KLHL1: variants seen among roughly 807,000 people sequenced by gnomAD.
The protein encoded by KLHL1 is kelch-like protein 1.
Under a neutral mutation model 77.7 loss-of-function variants are expected in KLHL1, and 47 were observed. The observed-to-expected ratio is 0.60, with a 90% CI of 0.48 to 0.77. KLHL1 has a LOEUF of 0.77. KLHL1 is among the 30% of genes least tolerant of loss of function. The pLI is 0.00. For synonymous variants in KLHL1, 360 were observed against 325.2 expected (o/e 1.11, Z -1.15); for missense variants, 925 against 910.8 (o/e 1.02, Z -0.20).
intron 1 of KLHL1, among the ~76,000 whole-genome samples, chr13:69,986,087 C>G (rs192091300): frequency 1.3e-5 from 2 of 151,298 alleles, no homozygotes; most frequent in Non-Finnish European, 2.9e-5. Context: ...ACTGAAGGAC[C>G]AATATTACTA....
chr13:70,086,309 A>G (rs9572360), intron 1 of KLHL1, among the ~76,000 whole-genome samples: 40,098 of 151,276 alleles, frequency 0.27, 5,562 homozygotes, highest in Admixed American at 0.31. Flanking sequence ...CTGGCTGGGC[A>G]TGGAGGCTCA....
chr13:69,902,612 T>C (rs1273437458), intron 4 of KLHL1, among the ~76,000 whole-genome samples: 1 of 152,118 alleles, frequency 6.6e-6, no homozygotes, highest in South Asian at 2.1e-4. Flanking sequence ...TGTAGGGACA[T>C]GGATGAAGCT....
At chr13:69,969,772 G>GA in intron 2 of KLHL1, among the ~76,000 whole-genome samples, 1 of 151,820 alleles carries the variant, frequency 6.6e-6, no homozygotes, top group African/African-American at 2.4e-5. Context: ...TTAGAAGAGG[G>GA]ATTTAATGCA....
chr13:69,934,962 G>GTGTATATATATATATATATA lies in KLHL1; in HGVS notation c.1014+5077_1014+5078insTATATATATATATATATACA, dbSNP rs372646811. Among the ~76,000 whole-genome samples the GTGTATATATATATATATATA allele has an allele frequency of 5.4e-5, 7 of 129,818 alleles. No individual in the cohort carries two copies. The East Asian group carries it at 8.0e-4, about 15-fold the overall frequency. 85.2% of individuals were successfully genotyped at this position (129,818 alleles called of 152,430 possible). On this transcript the variant is annotated intron_variant, in intron 4 of 10. Transcript: ENST00000377844. Reference sequence around the variant, plus strand: ...AAATTTACCGTGTGTGTGTGCATGTGTATATATATATATATATATATATAT... The same window carrying GTGTATATATATATATATATA: ...AAATTTACCGTGTGTGTGTGCATGTGTGTATATATATATATATATATATATATATATATATATATATATAT...
At chr13:69,920,461 T>C (rs573741104) in intron 4 of KLHL1, among the ~76,000 whole-genome samples, 35 of 152,204 alleles carry the variant, frequency 2.3e-4, no homozygotes, top group African/African-American at 8.4e-4. Context: ...CATGAAGAAT[T>C]TGGCAAAGTT....
chr13:69,763,498 T>C (rs1875120760), intron 7 of KLHL1, among the ~76,000 whole-genome samples: 1 of 152,218 alleles, frequency 6.6e-6, no homozygotes, highest in Admixed American at 6.5e-5. Context: ...TGTATGCATA[T>C]GTAGAATATC....
chr13:69,866,024 T>C (rs1013565798), intron 5 of KLHL1, among the ~76,000 whole-genome samples: 3 of 152,170 alleles, frequency 2.0e-5, no homozygotes, highest in East Asian at 3.9e-4. Flanking sequence ...TTATAATAGA[T>C]GAATAGTATA....
At chr13:70,030,145 G>A (rs9599536) in intron 1 of KLHL1, among the ~76,000 whole-genome samples, 1,857 of 152,080 alleles carry the variant, frequency 0.012, 16 homozygotes, top group Non-Finnish European at 0.02. Context: ...AATAATAATG[G>A]GAGACTTTAA....
chr13:69,897,149 T>C (rs1344279659), intron 4 of KLHL1, among the ~76,000 whole-genome samples: 2 of 152,182 alleles, frequency 1.3e-5, no homozygotes, highest in Non-Finnish European at 2.9e-5. Flanking sequence ...TTAAGAAACA[T>C]TATTTACAGA....
chr13:69,752,250 G>A (rs906277163), intron 7 of KLHL1, among the ~76,000 whole-genome samples: 2 of 152,112 alleles, frequency 1.3e-5, no homozygotes, highest in African/African-American at 4.8e-5. Flanking sequence ...GATACGAGAA[G>A]AGACTATTGA....
chr13:69,739,096 T>C (rs756754569), intron 8 of KLHL1, among the ~76,000 whole-genome samples: 23 of 152,130 alleles, frequency 1.5e-4, no homozygotes, highest in Non-Finnish European at 3.2e-4. Flanking sequence ...GGGGTCAGTA[T>C]TCAACAGTTT....
chr13:70,019,948 ACT>A (rs1417846161), intron 1 of KLHL1, among the ~76,000 whole-genome samples: 2 of 151,644 alleles, frequency 1.3e-5, no homozygotes, highest in African/African-American at 4.9e-5. Context: ...GAGTGAATTA[ACT>A]CTCTTCTGCT....
intron 7 of KLHL1, among the ~76,000 whole-genome samples, chr13:69,765,142 G>A (rs1875233434): frequency 6.6e-6 from 1 of 150,770 alleles, no homozygotes; most frequent in African/African-American, 2.4e-5. Context: ...AGTAGAGATG[G>A]GATTTTGCCA....
At position 69,882,296 on chromosome 13, in the gene KLHL1, A is replaced by C. The variant is rs545684468; in HGVS notation, c.1214T>G (p.Leu405Arg). The change falls in exon 5 of 11, where the codon CTG becomes CGG. Residue 405 changes from leucine to arginine, a missense_variant. Leu to Arg is a moderately radical substitution (Grantham distance 102). Transcript: ENST00000377844. ...SMLLAFIRLP[L>R]LPPQILADLE... ...ACACATCATTACCTGTGGTGGAAGCAGTGGCAGTCTTATAAAGGCAAGAAG... is the reference window on the plus strand; with the variant it reads ...ACACATCATTACCTGTGGTGGAAGCCGTGGCAGTCTTATAAAGGCAAGAAG... 2.5e-6 allele frequency: 4 copies of C among 1,610,944 alleles called. No individual in the cohort carries two copies. The highest frequency in any genetic ancestry group is 3.4e-6 in the Non-Finnish European group (4 of 1,177,106).
intron 5 of KLHL1, among the ~76,000 whole-genome samples, chr13:69,865,016 A>T (rs541012072): frequency 2.0e-5 from 3 of 152,260 alleles, no homozygotes; most frequent in African/African-American, 7.2e-5. Flanking sequence ...GTGTGATCAC[A>T]GATTACTGTA....
intron 1 of KLHL1, among the ~76,000 whole-genome samples, chr13:70,009,662 C>T (rs533019865): frequency 3.9e-5 from 6 of 152,124 alleles, no homozygotes; most frequent in Admixed American, 3.9e-4. Context: ...GTGGTCAAGA[C>T]AACCTGTCTC....
intron 4 of KLHL1, among the ~76,000 whole-genome samples, chr13:69,888,084 A>G (rs1332876023): frequency 6.6e-6 from 1 of 152,082 alleles, no homozygotes; most frequent in Admixed American, 6.6e-5. Context: ...GCACCATCAG[A>G]TTTGTTGTTT....
At chr13:69,875,581 T>C (rs1218422181) in intron 5 of KLHL1, among the ~76,000 whole-genome samples, 2 of 152,166 alleles carry the variant, frequency 1.3e-5, no homozygotes, top group Non-Finnish European at 2.9e-5. Context: ...GAGTAACATG[T>C]ATATGTATGA....
chr13:69,815,174 A>C (rs2138069005), intron 6 of KLHL1, among the ~76,000 whole-genome samples: 1 of 152,360 alleles, frequency 6.6e-6, no homozygotes, highest in East Asian at 1.9e-4. Flanking sequence ...AAACAGAATT[A>C]GTATTTAACC....
Sources: allele counts gnomAD v4.1 joint callset (sites outside exome capture counted in the v4.1 genomes callset), GRCh38; gene constraint gnomAD v4.1.1; transcripts MANE v1.5; gene names NCBI Gene and HGNC (gene_info 2026-07-23, HGNC 2026-07-21).